The following SORBS2 variants were observed in gnomAD, a reference collection of about 807,000 sequenced individuals.
The protein encoded by SORBS2 is sorbin and SH3 domain-containing protein 2.
SORBS2 carries 46 observed loss-of-function variants against 97.7 expected under a neutral mutation model. The ratio of observed to expected loss-of-function variants is 0.47; its 90% confidence interval spans 0.37 to 0.60. The LOEUF is 0.60. Ranked by LOEUF, SORBS2 falls within the 20% of genes least tolerant of loss-of-function variation. The probability of loss-of-function intolerance (pLI) is 0.00; values close to 1 mark genes in which losing one functional copy is unlikely to be tolerated. For missense variants in SORBS2, 1,316 were observed against 1,282.3 expected (o/e 1.03, Z -0.40); for synonymous variants, 476 against 473.4 (o/e 1.01, Z -0.07).
intron 1 of SORBS2, among the ~76,000 whole-genome samples, chr4:185,870,284 A>C (rs1485184804): frequency 6.6e-6 from 1 of 152,236 alleles, no homozygotes; most frequent in Non-Finnish European, 1.5e-5. Context: ...AATTCGTGAA[A>C]TCTTCAGGAG....
intron 1 of SORBS2, among the ~76,000 whole-genome samples, chr4:185,804,126 A>T (rs1342479949): frequency 6.6e-6 from 1 of 152,258 alleles, no homozygotes; most frequent in African/African-American, 2.4e-5. Flanking sequence ...CCCAAAAAGC[A>T]TACTGACCAA....
chr4:185,605,808 T>C (rs12649789), intron 12 of SORBS2, among the ~76,000 whole-genome samples: 133,447 of 152,234 alleles, frequency 0.88, 58,619 homozygotes, highest in African/African-American at 0.93. Flanking sequence ...TGATCTCAAA[T>C]TCCTGACCTC....
At chr4:185,815,558 A>C (rs1051804386) in intron 1 of SORBS2, among the ~76,000 whole-genome samples, 2 of 152,198 alleles carry the variant, frequency 1.3e-5, no homozygotes, top group African/African-American at 4.8e-5. Context: ...ATTTTCTAAG[A>C]CAAATATTTG....
In SORBS2 at chr4:185,785,457, A is replaced by T. The variant is rs527489693; in HGVS notation, c.-337-10091T>A. ...ATATAAATCATAACGATTCCGTTTTATAACAGACAGTCTCGTGTAAATATT... is the reference window on the plus strand; with the variant it reads ...ATATAAATCATAACGATTCCGTTTTTTAACAGACAGTCTCGTGTAAATATT... On this transcript the variant is annotated intron_variant, in intron 1 of 20. Transcript: ENST00000284776. Among the ~76,000 whole-genome samples the T allele has an allele frequency of 2.0e-5, 3 of 152,380 alleles. No individual in the cohort carries two copies. The South Asian group carries it at 6.2e-4, about 32-fold the overall frequency.
chr4:185,825,295 A>C (rs114629674), intron 1 of SORBS2, among the ~76,000 whole-genome samples: 139 of 152,080 alleles, frequency 9.1e-4, no homozygotes, highest in Non-Finnish European at 1.6e-3. Context: ...GCAGATTACC[A>C]TGTGCCAGGC....
chr4:185,589,827 C>A (rs369719481), intron 13 of SORBS2, 42 bp from the exon 26 acceptor site: 1 of 1,030,810 alleles, frequency 9.7e-7, no homozygotes, highest in Non-Finnish European at 1.5e-6. Context: ...CATCTTGACA[C>A]CTTCATGAAA....
At chr4:185,706,927 T>C (rs2098351640) in intron 2 of SORBS2, among the ~76,000 whole-genome samples, 1 of 152,188 alleles carries the variant, frequency 6.6e-6, no homozygotes, top group African/African-American at 2.4e-5. Context: ...GGCATTTGGG[T>C]TGCTTCTAGA....
intron 1 of SORBS2, among the ~76,000 whole-genome samples, chr4:185,822,800 G>A (rs779459253): frequency 1.3e-5 from 2 of 152,160 alleles, no homozygotes; most frequent in Admixed American, 6.5e-5. Context: ...TTCAGAGTGC[G>A]CTCAGCATTC....
At chr4:185,709,142 C>T (rs1228033177) in intron 2 of SORBS2, among the ~76,000 whole-genome samples, 1 of 152,176 alleles carries the variant, frequency 6.6e-6, no homozygotes, top group Non-Finnish European at 1.5e-5. Flanking sequence ...CCTCAACCTC[C>T]CAGGTAGCTG....
intron 1 of SORBS2, among the ~76,000 whole-genome samples, chr4:185,888,902 T>C (rs565102301): frequency 3.2e-4 from 49 of 152,362 alleles, no homozygotes; most frequent in Admixed American, 5.9e-4. Context: ...TTTAGCATTG[T>C]ATTCAGGGCA....
At chr4:185,617,322 A>G (rs1184955018) in intron 9 of SORBS2, among the ~76,000 whole-genome samples, 2 of 152,176 alleles carry the variant, frequency 1.3e-5, no homozygotes, top group Non-Finnish European at 2.9e-5. Flanking sequence ...AAAAAAAAAG[A>G]TGTAAGCTTT....
chr4:185,605,764 T>TG (rs2096402781), intron 12 of SORBS2, among the ~76,000 whole-genome samples: 1 of 152,244 alleles, frequency 6.6e-6, no homozygotes, highest in Middle Eastern at 3.4e-3. Flanking sequence ...TTTGTATTTT[T>TG]GGTAGTGACG....
At chr4:185,920,142 T>G (rs80033317) in intron 1 of SORBS2, among the ~76,000 whole-genome samples, 3,617 of 152,316 alleles carry the variant, frequency 0.024, 150 homozygotes, top group African/African-American at 0.083. Context: ...CAAATGGTTT[T>G]AAATATAAAA....
chr4:185,653,988 T>C (rs1322510273), intron 1 of SORBS2, among the ~76,000 whole-genome samples: 1 of 152,246 alleles, frequency 6.6e-6, no homozygotes, highest in Non-Finnish European at 1.5e-5. Flanking sequence ...CTGATCTTTT[T>C]TTCCCCAGAA....
At chr4:185,596,432 G>GA (rs1246175314) in intron 12 of SORBS2, among the ~76,000 whole-genome samples, 2 of 150,988 alleles carry the variant, frequency 1.3e-5, no homozygotes, top group Non-Finnish European at 2.9e-5. Flanking sequence ...TGACCATTAT[G>GA]AAAATTTGGT....
intron 4 of SORBS2, among the ~76,000 whole-genome samples, chr4:185,632,840 A>G (rs62336060): frequency 0.011 from 1,669 of 152,368 alleles, 16 homozygotes; most frequent in Non-Finnish European, 0.018. Flanking sequence ...TACATTCAAA[A>G]TAAATGAAAA....
At chr4:185,831,390 A>C (rs1022643521) in intron 1 of SORBS2, among the ~76,000 whole-genome samples, 1 of 152,210 alleles carries the variant, frequency 6.6e-6, no homozygotes. Flanking sequence ...TGACTTTGGA[A>C]ATAGTTTTCT....
At chr4:185,797,485 A>G (rs1349431544) in intron 1 of SORBS2, among the ~76,000 whole-genome samples, 1 of 152,176 alleles carries the variant, frequency 6.6e-6, no homozygotes, top group African/African-American at 2.4e-5. Flanking sequence ...TAAAGAATTA[A>G]CCCAAACTAC....
intron 1 of SORBS2, among the ~76,000 whole-genome samples, chr4:185,921,350 C>G (rs905276837): frequency 6.6e-6 from 1 of 152,078 alleles, no homozygotes; most frequent in Non-Finnish European, 1.5e-5. Context: ...ACTTCAAAAC[C>G]GAATCTGTTA....
Sources: allele counts gnomAD v4.1 joint callset (sites outside exome capture counted in the v4.1 genomes callset), GRCh38; gene constraint gnomAD v4.1.1; transcripts MANE v1.5; gene names NCBI Gene and HGNC (gene_info 2026-07-23, HGNC 2026-07-21).